The following TENM1 variants were observed in gnomAD, a reference collection of about 807,000 sequenced individuals.
TENM1 encodes the protein teneurin transmembrane protein 1.
A neutral mutation model predicts 174.8 loss-of-function variants in TENM1; 35 were observed. The observed-to-expected ratio is 0.20, with a 90% CI of 0.15 to 0.27. The LOEUF (loss-of-function observed/expected upper bound fraction) is 0.27. Among genes scored for constraint, TENM1 ranks in the 10% least tolerant of loss-of-function variants. TENM1 has a pLI of 1.00. For missense variants in TENM1, 1,633 were observed against 2,130.1 expected (o/e 0.77, Z 4.59); for synonymous variants, 781 against 798.7 (o/e 0.98, Z 0.37).
chrX:125,071,791 T>C, the TENM1 span, among the ~76,000 whole-genome samples: 1 of 111,604 alleles, frequency 9.0e-6, no homozygotes. Flanking sequence ...TATTAGTTAT[T>C]ATTATTAGCC....
intron 22 of TENM1, among the ~76,000 whole-genome samples, chrX:124,465,715 C>T (rs1191943968): frequency 5.5e-5 from 6 of 109,037 alleles, no homozygotes; most frequent in Non-Finnish European, 1.1e-4. Context: ...CATTTTCCCC[C>T]TTTTTTTTTC....
intron 1 of TENM1, among the ~76,000 whole-genome samples, chrX:124,937,641 G>A (rs2058266117): frequency 8.9e-6 from 1 of 111,959 alleles, no homozygotes; most frequent in Non-Finnish European, 1.9e-5. Context: ...GCACTACTAC[G>A]CAGCATCAGA....
chrX:124,632,334 T>C (rs930191849), intron 11 of TENM1, among the ~76,000 whole-genome samples: 1 of 111,225 alleles, frequency 9.0e-6, no homozygotes, highest in African/African-American at 3.3e-5. Flanking sequence ...AACTCTAATA[T>C]GAAGAAACTA....
intron 2 of TENM1, 111 bp from the exon 6 acceptor site, chrX:124,894,463 T>C (rs2057528197): frequency 2.0e-6 from 1 of 506,415 alleles, no homozygotes; most frequent in South Asian, 3.5e-5. Flanking sequence ...CCAGCTTTAT[T>C]GCAATATAAT....
intron 20 of TENM1, among the ~76,000 whole-genome samples, chrX:124,496,393 T>C (rs2047202578): frequency 8.9e-6 from 1 of 111,892 alleles, no homozygotes; most frequent in African/African-American, 3.2e-5. Flanking sequence ...CTTCAGGATA[T>C]GGAATACTAA....
intron 3 of TENM1, among the ~76,000 whole-genome samples, chrX:124,808,653 T>C (rs967714693): frequency 5.4e-5 from 6 of 111,936 alleles, no homozygotes; most frequent in Non-Finnish European, 7.5e-5. Context: ...GGTATAAAAC[T>C]AGAAATGAAT....
rs147228918 is a variant in TENM1, at chrX:124,784,138, C to A, written c.536-46941G>T. On this transcript the variant is annotated intron_variant, in intron 3 of 31. Transcript: ENST00000422452. The stretch of plus-strand genomic sequence containing the variant: ...TACAGTCTCCACAAAATAACAATCA[C>A]AATGTCCAAAATACAGTCCAAAATT... 7.3e-3 allele frequency among the ~76,000 whole-genome samples: 820 copies of A among 112,194 alleles called. 8 individuals are homozygous for A. The highest frequency in any genetic ancestry group is 0.025 in the African/African-American group (765 of 31,016).
chrX:124,626,620 G>A (rs2050642892), intron 11 of TENM1, among the ~76,000 whole-genome samples: 1 of 111,664 alleles, frequency 9.0e-6, no homozygotes, highest in Admixed American at 9.5e-5. Context: ...TTAGATATAT[G>A]GTCCTTTTAA....
chrX:124,552,660 A>C (rs894910797), intron 14 of TENM1, among the ~76,000 whole-genome samples: 1 of 111,902 alleles, frequency 8.9e-6, no homozygotes, highest in Non-Finnish European at 1.9e-5. Context: ...ACAATGACTT[A>C]TTACCTCACA....
chrX:124,614,680 C>A (rs1186556205), intron 11 of TENM1, among the ~76,000 whole-genome samples: 1 of 111,747 alleles, frequency 8.9e-6, no homozygotes, highest in Non-Finnish European at 1.9e-5. Context: ...GTCAGGAGTT[C>A]GAGATGAGCC....
At chrX:124,693,242 G>A (rs1421714872) in intron 5 of TENM1, among the ~76,000 whole-genome samples, 1 of 110,722 alleles carries the variant, frequency 9.0e-6, no homozygotes, top group African/African-American at 3.3e-5. Flanking sequence ...GGTACTTGGA[G>A]GTAATTCCAA....
the TENM1 span, among the ~76,000 whole-genome samples, chrX:125,044,737 A>G: frequency 1.3e-4 from 14 of 111,884 alleles, no homozygotes; most frequent in South Asian, 3.7e-3. Flanking sequence ...AAGTCCTTAT[A>G]CAAGGATACT....
At chrX:124,399,927 G>A (rs760427793) in intron 27 of TENM1, among the ~76,000 whole-genome samples, 1 of 111,402 alleles carries the variant, frequency 9.0e-6, no homozygotes, top group Admixed American at 9.5e-5. Flanking sequence ...AGCCAAGATC[G>A]TGCCACTGCA....
chrX:125,181,764 G>T, the TENM1 span, among the ~76,000 whole-genome samples: 4 of 110,892 alleles, frequency 3.6e-5, no homozygotes, highest in Non-Finnish European at 7.6e-5. Flanking sequence ...TGATAGAATT[G>T]CCAGGTTTTT....
chrX:125,042,991 G>A, the TENM1 span, among the ~76,000 whole-genome samples: 249 of 111,315 alleles, frequency 2.2e-3, no homozygotes, highest in African/African-American at 7.2e-3. Context: ...TTTAGGAACA[G>A]GCTAATTTGA....
chrX:124,858,323 G>T (rs185161118), intron 3 of TENM1, among the ~76,000 whole-genome samples: 1 of 111,729 alleles, frequency 9.0e-6, no homozygotes, highest in African/African-American at 3.3e-5. Flanking sequence ...CATGAATAAC[G>T]ACTTGAAGAA....
At chrX:125,000,537 C>T in the TENM1 span, among the ~76,000 whole-genome samples, 1 of 111,709 alleles carries the variant, frequency 9.0e-6, no homozygotes, top group African/African-American at 3.2e-5. Context: ...TGAAAGGAGA[C>T]ATGTTAATGC....
intron 3 of TENM1, among the ~76,000 whole-genome samples, chrX:124,750,994 A>G (rs915232164): frequency 4.4e-5 from 5 of 112,405 alleles, no homozygotes; most frequent in Admixed American, 9.5e-5. Context: ...AATTTTGAGT[A>G]GCAAATATCT....
intron 3 of TENM1, among the ~76,000 whole-genome samples, chrX:124,886,738 T>G (rs1321875735): frequency 2.9e-5 from 3 of 103,636 alleles, no homozygotes; most frequent in African/African-American, 1.0e-4. Context: ...GTTTTTTTTT[T>G]TTTTTTTTTT....
Sources: allele counts gnomAD v4.1 joint callset (sites outside exome capture counted in the v4.1 genomes callset), GRCh38; gene constraint gnomAD v4.1.1; transcripts MANE v1.5; gene names NCBI Gene and HGNC (gene_info 2026-07-23, HGNC 2026-07-21).